Variants in IKBKB observed in about 807,000 individuals in gnomAD.
IKBKB encodes the protein inhibitor of nuclear factor kappa B kinase subunit beta.
In IKBKB, 42 loss-of-function variants were observed where a neutral mutation model predicts 113.6. The observed-to-expected ratio is 0.37, with a 90% CI of 0.29 to 0.48. The LOEUF (loss-of-function observed/expected upper bound fraction) is 0.48, where lower values mean the gene tolerates loss of function less well. IKBKB is among the 20% of genes least tolerant of loss of function. The pLI is 0.99. For missense variants in IKBKB, 673 were observed against 939.7 expected (o/e 0.72, Z 3.71); for synonymous variants, 296 against 361.3 (o/e 0.82, Z 2.05).
intron 7 of IKBKB, 67 bp from the exon 8 acceptor site, chr8:42,308,834 C>G: frequency 6.6e-7 from 1 of 1,508,036 alleles, no homozygotes; most frequent in Non-Finnish European, 9.1e-7. Context: ...GATGGGCTGG[C>G]CGCCCCCTCC....
intron 12 of IKBKB, 111 bp from the exon 13 acceptor site, chr8:42,318,441 A>G (rs539408742): frequency 1.5e-4 from 186 of 1,215,174 alleles, no homozygotes; most frequent in South Asian, 2.1e-4. Flanking sequence ...ACATGATCCT[A>G]TAGTAGGTAC....
intron 2 of IKBKB, among the ~76,000 whole-genome samples, chr8:42,278,615 C>T (rs796308848): frequency 9.8e-5 from 15 of 152,314 alleles, no homozygotes; most frequent in African/African-American, 3.6e-4. Context: ...ACTACAGTGT[C>T]ACTGGCTCCG....
At chr8:42,317,925 G>A (rs1383271652) in intron 12 of IKBKB, among the ~76,000 whole-genome samples, 154 bp downstream of exon 12, 1 of 152,096 alleles carries the variant, frequency 6.6e-6, no homozygotes, top group African/African-American at 2.4e-5. Context: ...GGACATGCAA[G>A]GAGTAGCCAG....
At chr8:42,317,376 C>T (rs1214606961) in intron 11 of IKBKB, among the ~76,000 whole-genome samples, 1 of 152,124 alleles carries the variant, frequency 6.6e-6, no homozygotes, top group Non-Finnish European at 1.5e-5. Context: ...CTAAAGTTAT[C>T]ATATGAGAAA....
intron 1 of IKBKB, 37 bp from the exon 2 acceptor site, chr8:42,272,046 A>G: frequency 1.9e-6 from 3 of 1,580,120 alleles, no homozygotes; most frequent in Non-Finnish European, 2.6e-6. Flanking sequence ...TTTTTTCTTA[A>G]TCCTAACCTT....
In IKBKB at chr8:42,293,484, T is replaced by A. The variant is rs2130358176; in HGVS notation, c.360T>A (p.Gly120=). The change falls in exon 5 of 22, where the codon GGT becomes GGA. Residue 120 remains glycine (G), a synonymous_variant. Transcript: ENST00000520810. ...AGAACTGCTGTGGTCTGCGGGAAGG[T>A]GCCATCCTCACCTTGCTGAGTGACA... The part of the protein sequence containing the change: ...QFENCCGLRE[G]AILTLLSDIA... 6.2e-7 allele frequency: 1 copy of A among 1,614,172 alleles called. No individual in the cohort carries two copies. Among genetic ancestry groups the A allele is most frequent in the Non-Finnish European group, 8.5e-7 (1 of 1,180,036 alleles).
intron 1 of IKBKB, chr8:42,271,754 C>T: frequency 4.0e-6 from 2 of 501,398 alleles, no homozygotes; most frequent in South Asian, 5.3e-5. Flanking sequence ...CCCCTGCCAC[C>T]TCGGGCAGAA....
intron 2 of IKBKB, among the ~76,000 whole-genome samples, chr8:42,280,324 G>A (rs748936644): frequency 6.6e-6 from 1 of 152,098 alleles, no homozygotes; most frequent in African/African-American, 2.4e-5. Flanking sequence ...ACATTGTGTC[G>A]GGACTCCCTA....
rs1215828305 is a variant in IKBKB, at chr8:42,307,950, C to T, written c.568-951C>T. Among the ~76,000 whole-genome samples the T allele has an allele frequency of 2.6e-5, 4 of 152,338 alleles. No individual in the cohort carries two copies. In the East Asian group the frequency reaches 7.7e-4, roughly 29 times the overall value. On this transcript the variant is annotated intron_variant, in intron 7 of 21. Coordinates refer to ENST00000520810, the MANE Select transcript of IKBKB (RefSeq NM_001556.3). ...TTGCTTGCCCCAGTCATTTCTGTCT[C>T]CACCCACCTGCTAAGCCCAGTCTGC... is the stretch of plus-strand genomic sequence containing the variant.
intron 3 of IKBKB, among the ~76,000 whole-genome samples, chr8:42,289,180 A>C (rs1397630710): frequency 6.6e-6 from 1 of 152,124 alleles, no homozygotes; most frequent in African/African-American, 2.4e-5. Context: ...AAGCCACTGC[A>C]CTCCAGCCTG....
At chr8:42,324,280 T>G (rs779749575) in intron 19 of IKBKB, among the ~76,000 whole-genome samples, 19 of 152,140 alleles carry the variant, frequency 1.2e-4, no homozygotes, top group Non-Finnish European at 1.9e-4. Context: ...TTCTTTTTTT[T>G]TCGAGACAAA....
chr8:42,278,213 G>A (rs761923814), intron 2 of IKBKB, among the ~76,000 whole-genome samples: 1 of 152,218 alleles, frequency 6.6e-6, no homozygotes, highest in Non-Finnish European at 1.5e-5. Flanking sequence ...TCTGTGGAGG[G>A]CAGGTGTGGC....
chr8:42,312,630 T>C (rs1817926087), intron 8 of IKBKB, among the ~76,000 whole-genome samples: 1 of 152,254 alleles, frequency 6.6e-6, no homozygotes, highest in African/African-American at 2.4e-5. Flanking sequence ...TTGGGTCCTT[T>C]TCTAATTTCC....
At chr8:42,320,590 G>T in intron 15 of IKBKB, 145 bp from the exon 16 acceptor site, 1 of 648,608 alleles carries the variant, frequency 1.5e-6, no homozygotes, top group East Asian at 3.0e-5. Context: ...CAGCCATTCA[G>T]ACCCCACAGT....
chr8:42,318,518 A>T (rs1408240779), intron 12 of IKBKB, 34 bp from the exon 13 acceptor site: 1 of 1,605,764 alleles, frequency 6.2e-7, no homozygotes, highest in Admixed American at 1.7e-5. Flanking sequence ...TATTGTGGTT[A>T]TTCTTTGACA....
Position 42,329,123 on chromosome 8 carries a change from G to A in IKBKB, c.2115-1G>A. ...TCTAATAATTTGATCATTTTCTTTA[G>A]TGAAGAACTGGTGGCTGAAGCACAT... On this transcript the variant is annotated splice_acceptor_variant, in intron 20 of 21. Transcript: ENST00000520810. LOFTEE classifies it high-confidence loss of function. 1 of 1,602,146 alleles carries A rather than the reference G, an allele frequency of 6.2e-7. No homozygotes were observed.
intron 15 of IKBKB, 62 bp from the exon 16 acceptor site, chr8:42,320,673 A>G (rs753891389): frequency 1.1e-4 from 148 of 1,364,332 alleles, no homozygotes; most frequent in Non-Finnish European, 1.5e-4. Context: ...GCTCCCCCGC[A>G]GATCTTGCAT....
chr8:42,285,270 G>T (rs1356587464), intron 2 of IKBKB, among the ~76,000 whole-genome samples: 1 of 152,198 alleles, frequency 6.6e-6, no homozygotes, highest in South Asian at 2.1e-4. Context: ...AGGTGGCCGG[G>T]TGCAGGGGCT....
At position 42,330,074 on chromosome 8, in the gene IKBKB, G is replaced by A. The variant is rs1410007642; in HGVS notation, c.2206-840G>A. 4.1e-6 allele frequency: 4 copies of A among 985,264 alleles called. No homozygotes were observed. The East Asian group carries it at 4.5e-4, about 112-fold the overall frequency. 61.0% of individuals were successfully genotyped at this position (985,264 alleles called of 1,614,324 possible). On this transcript the variant is annotated intron_variant, in intron 21 of 21. Coordinates refer to ENST00000520810, the MANE Select transcript of IKBKB (RefSeq NM_001556.3). ...CAGTTCATTGCTTACTTGCATGTCT[G>A]TGGGAGGAAGAGGAAGTCTCATCAG...
Sources: gnomAD v4.1 joint callset for allele counts (sites outside exome capture counted in the v4.1 genomes callset) on GRCh38, gnomAD v4.1.1 for gene constraint, MANE v1.5 for transcripts, NCBI Gene and HGNC (gene_info 2026-07-23, HGNC 2026-07-21) for gene names.